The following PAPPA2 variants were observed in gnomAD, a reference collection of about 807,000 sequenced individuals.
The protein encoded by PAPPA2 is pappalysin 2.
Under a neutral mutation model 176.4 loss-of-function variants are expected in PAPPA2, and 86 were observed. The ratio of observed to expected loss-of-function variants is 0.49; its 90% CI spans 0.41 to 0.58. PAPPA2 has a LOEUF of 0.58. Among genes scored for constraint, PAPPA2 ranks in the 20% least tolerant of loss-of-function variants. The probability of loss-of-function intolerance (pLI) is 0.00; values close to 1 mark genes in which losing one functional copy is unlikely to be tolerated. For missense variants in PAPPA2, 2,073 were observed against 2,256.9 expected (o/e 0.92, Z 1.65); for synonymous variants, 809 against 852.2 (o/e 0.95, Z 0.88).
At chr1:176,667,161 G>A (rs777801621) in intron 3 of PAPPA2, among the ~76,000 whole-genome samples, 6 of 151,816 alleles carry the variant, frequency 4.0e-5, no homozygotes, top group Non-Finnish European at 5.9e-5. Context: ...CAGGAGAATC[G>A]CTTGAACCAG....
intron 12 of PAPPA2, among the ~76,000 whole-genome samples, chr1:176,729,335 T>C (rs1662024560): frequency 2.6e-5 from 4 of 152,108 alleles, no homozygotes; most frequent in Non-Finnish European, 5.9e-5. Context: ...TTATATTCCA[T>C]TGGTCTTTTC....
intron 2 of PAPPA2, among the ~76,000 whole-genome samples, chr1:176,578,016 C>T (rs1652752283): frequency 6.6e-6 from 1 of 152,106 alleles, no homozygotes; most frequent in South Asian, 2.1e-4. Context: ...AACTTTAATC[C>T]TCCCAGAGGT....
At chr1:176,712,029 A>ATG (rs66731142) in intron 12 of PAPPA2, 48 bp downstream of exon 12, 43,008 of 1,417,464 alleles carry the variant, frequency 0.03, 202 homozygotes, top group African/African-American at 0.072. Flanking sequence ...GTGTAAGCAT[A>ATG]TGTGTGTGTG....
chr1:176,718,678 CAT>C (rs1011102902), intron 12 of PAPPA2, among the ~76,000 whole-genome samples: 1 of 149,770 alleles, frequency 6.7e-6, no homozygotes, highest in Non-Finnish European at 1.5e-5. Flanking sequence ...AACTTGAAAA[CAT>C]ATGTGGATTT....
chr1:176,699,612 G>A (rs1440237496), intron 8 of PAPPA2, 23 bp downstream of exon 8: 1 of 1,575,078 alleles, frequency 6.3e-7, no homozygotes, highest in South Asian at 1.2e-5. Context: ...GCATGACTAT[G>A]GGGCTTCCTG....
chr1:176,565,532 A>G (rs984928622), intron 2 of PAPPA2, among the ~76,000 whole-genome samples: 1 of 152,086 alleles, frequency 6.6e-6, no homozygotes, highest in African/African-American at 2.4e-5. Context: ...CCATCTCTAC[A>G]AAACATACAA....
chr1:176,502,623 G>C (rs1648030383), intron 1 of PAPPA2, among the ~76,000 whole-genome samples: 1 of 152,096 alleles, frequency 6.6e-6, no homozygotes, highest in South Asian at 2.1e-4. Flanking sequence ...CAGATGGTGG[G>C]GCAAGATATT....
chr1:176,616,707 A>C, intron 3 of PAPPA2: 4 of 1,471,022 alleles, frequency 2.7e-6, no homozygotes, highest in Non-Finnish European at 3.8e-6. Context: ...ATTTAAGGTC[A>C]CATTGGTTGG....
chr1:176,690,502 T>C (rs1279934380), intron 5 of PAPPA2, 72 bp downstream of exon 5: 1 of 1,569,912 alleles, frequency 6.4e-7, no homozygotes. Flanking sequence ...AGGGTGGAGG[T>C]GTGGGAGCTG....
rs533045524 is a variant in PAPPA2 at position 176,700,377 on chromosome 1, CAGTT to C, written c.3236+793_3236+796del. ...AACAAAGTTTTATCAGAGATACTGT[CAGTT>C]AGTTTTTGCTGCATTAGAAATCATC... is the stretch of plus-strand genomic sequence containing the variant. On this transcript the variant is annotated intron_variant, in intron 8 of 22. Transcript: ENST00000367662. Among the ~76,000 whole-genome samples the C allele has an allele frequency of 3.4e-4, 52 of 152,366 alleles. 1 individual carries two copies. The Middle Eastern group carries it at 0.01, about 30-fold the overall frequency.
chr1:176,818,890 T>G (rs1666518334), intron 21 of PAPPA2, among the ~76,000 whole-genome samples: 1 of 152,198 alleles, frequency 6.6e-6, no homozygotes, highest in Non-Finnish European at 1.5e-5. Flanking sequence ...CTTCACTCTC[T>G]TGTTCTCTGC....
At chr1:176,483,473 T>C (rs1199660740) in intron 1 of PAPPA2, among the ~76,000 whole-genome samples, 1 of 130,892 alleles carries the variant, frequency 7.6e-6, no homozygotes, top group African/African-American at 3.1e-5. Context: ...TTTTTTTTTT[T>C]TTTTTTTTTT....
chr1:176,615,288 A>G (rs1655139729), intron 3 of PAPPA2, among the ~76,000 whole-genome samples: 1 of 152,124 alleles, frequency 6.6e-6, no homozygotes, highest in African/African-American at 2.4e-5. Context: ...CTTTTGTACA[A>G]TGTGATTTTC....
chr1:176,660,142 T>C (rs1241174828), intron 3 of PAPPA2, among the ~76,000 whole-genome samples: 1 of 152,094 alleles, frequency 6.6e-6, no homozygotes, highest in Non-Finnish European at 1.5e-5. Flanking sequence ...TAAAGAAGGA[T>C]AGCACTGATC....
chr1:176,800,269 G>T, intron 21 of PAPPA2, 137 bp downstream of exon 21: 2 of 785,740 alleles, frequency 2.5e-6, no homozygotes, highest in East Asian at 2.9e-5. Context: ...AAATTAAGTT[G>T]GTTCCACGAT....
chr1:176,779,163 A>AT, intron 17 of PAPPA2, among the ~76,000 whole-genome samples: 1 of 152,302 alleles, frequency 6.6e-6, no homozygotes, highest in East Asian at 1.9e-4. Flanking sequence ...ATCAGAGTAC[A>AT]TTTTTAAAAA....
At chr1:176,567,723 A>G (rs1482893874) in intron 2 of PAPPA2, among the ~76,000 whole-genome samples, 1 of 152,212 alleles carries the variant, frequency 6.6e-6, no homozygotes, top group Admixed American at 6.5e-5. Flanking sequence ...GTATATGTAA[A>G]CAGATTATTA....
chr1:176,733,614 A>C (rs1207529702), intron 12 of PAPPA2, among the ~76,000 whole-genome samples: 3 of 152,176 alleles, frequency 2.0e-5, no homozygotes, highest in African/African-American at 4.8e-5. Context: ...CCACGATAGA[A>C]TCCTACCCAG....
intron 3 of PAPPA2, among the ~76,000 whole-genome samples, chr1:176,599,695 G>A: frequency 6.6e-6 from 1 of 151,472 alleles, no homozygotes; most frequent in East Asian, 1.9e-4. Flanking sequence ...TTTTTTGTGT[G>A]TTATATCCGA....
Sources: allele counts gnomAD v4.1 joint callset (sites outside exome capture counted in the v4.1 genomes callset), GRCh38; gene constraint gnomAD v4.1.1; transcripts MANE v1.5; gene names NCBI Gene and HGNC (gene_info 2026-07-23, HGNC 2026-07-21).